GRM5: variants seen among roughly 807,000 people sequenced by gnomAD.
GRM5 encodes the protein metabotropic glutamate receptor 5.
A neutral mutation model predicts 83.1 loss-of-function variants in GRM5; 19 were observed. That is an observed-to-expected ratio of 0.23 (90% CI 0.16 to 0.34). The LOEUF is 0.34. Ranked by LOEUF, GRM5 falls within the 10% of genes least tolerant of loss-of-function variation. GRM5 has a pLI of 1.00. For missense variants in GRM5, 1,160 were observed against 1,588.3 expected, an observed-to-expected ratio of 0.73 and a Z score of 4.58; for synonymous variants, 675 against 633.6, an observed-to-expected ratio of 1.07 and a Z score of -0.98.
intron 2 of GRM5, among the ~76,000 whole-genome samples, chr11:88,988,736 A>C (rs10831544): frequency 0.45 from 64,614 of 144,556 alleles, 15,319 homozygotes; most frequent in South Asian, 0.63. Context: ...ATTTTCAACC[A>C]AGAATTTCAT....
rs1046218701 is a variant in GRM5 at position 88,936,420 on chromosome 11, C to G, written c.662-86265G>C. 2.0e-5 allele frequency among the ~76,000 whole-genome samples: 3 copies of G among 151,770 alleles called. No homozygotes were observed. In the Admixed American group the frequency reaches 2.0e-4, roughly 10 times the overall value. ...AAGAGGTTTGACTATTAGGCCAATA[C>G]CAGTAAGATTTATCTGGGTCATCAA... On this transcript the variant is annotated intron_variant, in intron 2 of 9. Coordinates refer to ENST00000305447, the MANE Select transcript of GRM5 (RefSeq NM_001143831.3).
chr11:88,931,166 T>C (rs1937693115), intron 2 of GRM5, among the ~76,000 whole-genome samples: 1 of 151,922 alleles, frequency 6.6e-6, no homozygotes, highest in Non-Finnish European at 1.5e-5. Context: ...AATAATTCAG[T>C]GTCATTTTTA....
chr11:88,913,998 T>C (rs541046), intron 2 of GRM5, among the ~76,000 whole-genome samples: 129,488 of 152,076 alleles, frequency 0.85, 56,045 homozygotes, highest in Non-Finnish European at 0.95. Context: ...TCACATACCA[T>C]ATGCATTCCT....
chr11:88,950,725 G>A (rs1043215211), intron 2 of GRM5, among the ~76,000 whole-genome samples: 4 of 152,080 alleles, frequency 2.6e-5, no homozygotes, highest in African/African-American at 7.2e-5. Flanking sequence ...GCAAGAAAAC[G>A]CTCTCCTTCT....
At chr11:88,833,266 A>T (rs1364619596) in intron 3 of GRM5, among the ~76,000 whole-genome samples, 1 of 152,108 alleles carries the variant, frequency 6.6e-6, no homozygotes, top group Non-Finnish European at 1.5e-5. Flanking sequence ...CAGCTTAAAA[A>T]AAAAACTAAC....
chr11:88,615,225 C>T (rs1295727586), intron 4 of GRM5, among the ~76,000 whole-genome samples: 1 of 151,892 alleles, frequency 6.6e-6, no homozygotes, highest in Non-Finnish European at 1.5e-5. Context: ...CCTAATCACC[C>T]AGAGACCCAA....
chr11:88,934,304 T>A (rs1937818307), intron 2 of GRM5, among the ~76,000 whole-genome samples: 1 of 151,854 alleles, frequency 6.6e-6, no homozygotes, highest in African/African-American at 2.4e-5. Flanking sequence ...AAAGATAACC[T>A]AACAAGGTTA....
intron 3 of GRM5, among the ~76,000 whole-genome samples, chr11:88,735,839 C>T (rs1941902104): frequency 6.6e-6 from 1 of 152,042 alleles, no homozygotes; most frequent in South Asian, 2.1e-4. Context: ...CATGCACAGC[C>T]AGCCACAGGC....
intron 3 of GRM5, among the ~76,000 whole-genome samples, chr11:88,767,547 C>T (rs1304506948): frequency 6.6e-6 from 1 of 151,866 alleles, no homozygotes; most frequent in Non-Finnish European, 1.5e-5. Flanking sequence ...AGCTGGAGGT[C>T]ATTATCCTAA....
At chr11:88,831,384 G>T (rs1403770434) in intron 3 of GRM5, among the ~76,000 whole-genome samples, 2 of 152,172 alleles carry the variant, frequency 1.3e-5, no homozygotes, top group East Asian at 1.9e-4. Flanking sequence ...CCAGCCTCCT[G>T]CCTATGGCTT....
At chr11:88,668,216 A>ACG (rs1337176981) in intron 3 of GRM5, among the ~76,000 whole-genome samples, 1 of 150,254 alleles carries the variant, frequency 6.7e-6, no homozygotes, top group African/African-American at 2.4e-5. Context: ...AAACTCGCAC[A>ACG]CACACACACA....
intron 4 of GRM5, among the ~76,000 whole-genome samples, chr11:88,645,386 T>G (rs1277756494): frequency 6.6e-6 from 1 of 152,146 alleles, no homozygotes; most frequent in African/African-American, 2.4e-5. Flanking sequence ...ATACATGTCT[T>G]GAAGTGGACT....
intron 3 of GRM5, among the ~76,000 whole-genome samples, chr11:88,809,062 G>T (rs1277846582): frequency 6.6e-6 from 1 of 151,984 alleles, no homozygotes. Context: ...TTTAACCTTA[G>T]ACTCTTTAAA....
chr11:88,910,932 A>G (rs1189245453), intron 2 of GRM5, among the ~76,000 whole-genome samples: 4 of 152,056 alleles, frequency 2.6e-5, no homozygotes. Context: ...ATCCCTTTTC[A>G]GTAGCTAGAG....
intron 2 of GRM5, among the ~76,000 whole-genome samples, chr11:88,906,305 A>G (rs1565286395): frequency 6.6e-6 from 1 of 152,194 alleles, no homozygotes; most frequent in Non-Finnish European, 1.5e-5. Flanking sequence ...GTGTTCCTCA[A>G]GTGATTTTTC....
intron 2 of GRM5, among the ~76,000 whole-genome samples, chr11:89,023,300 A>G (rs1021913685): frequency 5.3e-5 from 8 of 152,076 alleles, no homozygotes; most frequent in Non-Finnish European, 1.2e-4. Flanking sequence ...CTTACACAAC[A>G]TGACCCCCAA....
chr11:89,058,250 A>T (rs1343188870), intron 1 of GRM5, among the ~76,000 whole-genome samples: 1 of 152,200 alleles, frequency 6.6e-6, no homozygotes, highest in East Asian at 1.9e-4. Context: ...TCATTTAGAT[A>T]AGGGTTTCTC....
chr11:88,580,830 T>C (rs990788926), intron 7 of GRM5, among the ~76,000 whole-genome samples: 1 of 152,232 alleles, frequency 6.6e-6, no homozygotes, highest in African/African-American at 2.4e-5. Flanking sequence ...TACTTTCAAA[T>C]GTAGAAGACA....
intron 7 of GRM5, among the ~76,000 whole-genome samples, chr11:88,573,085 T>G (rs1451601880): frequency 6.6e-6 from 1 of 152,200 alleles, no homozygotes; most frequent in Non-Finnish European, 1.5e-5. Context: ...TATTCACTTT[T>G]AATTTTTCTT....
Sources: allele counts gnomAD v4.1 joint callset (sites outside exome capture counted in the v4.1 genomes callset), GRCh38; gene constraint gnomAD v4.1.1; transcripts MANE v1.5; gene names NCBI Gene and HGNC (gene_info 2026-07-23, HGNC 2026-07-21).